The following ATP13A2 variants were observed in gnomAD, a reference collection of about 807,000 sequenced individuals.
The protein encoded by ATP13A2 is polyamine-transporting ATPase 13A2.
ATP13A2 carries 83 observed loss-of-function variants against 138.3 expected under a neutral mutation model. That is an observed-to-expected ratio of 0.60 (90% CI 0.50 to 0.72). The LOEUF is 0.72. Ranked by LOEUF, ATP13A2 falls within the 30% of genes least tolerant of loss-of-function variation. The pLI is 0.00. For missense variants in ATP13A2, 1,402 were observed against 1,606.4 expected (o/e 0.87, Z 2.17); for synonymous variants, 663 against 699.0 (o/e 0.95, Z 0.81).
rs144557304 is a variant in ATP13A2, at chr1:16,988,138, C to A, written c.2859G>T (p.Thr953=). The A allele has an allele frequency of 2.5e-6, 4 of 1,613,190 alleles. No homozygotes were observed. The Admixed American group carries it at 5.0e-5, about 20-fold the overall frequency. The change falls in exon 25 of 29, where the codon ACG becomes ACT. Residue 953 remains threonine (T), a splice_region_variant and synonymous_variant. Coordinates refer to ENST00000326735, the MANE Select transcript of ATP13A2 (RefSeq NM_022089.4). ...TQFISVLILY[T]INTNLGDLQF... Reference sequence around the variant, plus strand: ...GGTACGGAGCTCTGCAGATACTCACCGTGTAGAGGATCAGGACGGAGATGA... The same window carrying A: ...GGTACGGAGCTCTGCAGATACTCACAGTGTAGAGGATCAGGACGGAGATGA...
rs758150853 is a variant in ATP13A2 at position 17,002,326 on chromosome 1, TG to T, written c.604del (p.His202MetfsTer10). ...CATTTGGTCCTGGAGGCTGAGGCCATGGCGGGAGCGGTGGACGTCGTCACAA... is the reference window on the plus strand; with the variant it reads ...CATTTGGTCCTGGAGGCTGAGGCCATGCGGGAGCGGTGGACGTCGTCACAA... The part of the protein sequence containing the change: ...RSCDDVHRSR[H>X]GLSLQDQMVR... On this transcript the variant is annotated frameshift_variant, in exon 7 of 29. Transcript: ENST00000326735. LOFTEE classifies it high-confidence loss of function. 4.3e-6 allele frequency: 7 copies of T among 1,613,436 alleles called. No individual in the cohort carries two copies. The African/African-American group carries it at 9.3e-5, about 22-fold the overall frequency.
At chr1:17,005,626 G>A in intron 2 of ATP13A2, 58 bp downstream of exon 2, 1 of 1,613,066 alleles carries the variant, frequency 6.2e-7, no homozygotes, top group Non-Finnish European at 8.5e-7. Flanking sequence ...TGGGGTGTCT[G>A]GGTGGGCCTG....
chr1:16,987,328 T>C, intron 25 of ATP13A2, 59 bp from the exon 26 acceptor site: 1 of 1,535,530 alleles, frequency 6.5e-7, no homozygotes, highest in Non-Finnish European at 8.9e-7. Flanking sequence ...CAGCCCCTAG[T>C]CTGATAGCAG....
chr1:16,995,103 C>T lies in ATP13A2; in HGVS notation c.1542+873G>A, dbSNP rs776391921. 4.6e-5 allele frequency among the ~76,000 whole-genome samples: 7 copies of T among 152,206 alleles called. No individual in the cohort carries two copies. Among genetic ancestry groups the T allele is most frequent in the Non-Finnish European group, 8.8e-5 (6 of 68,040 alleles). ...AGGTACGCAGCACATCTGTGCCACG[C>T]CACTCCCTGTGCCCCAGGCACACGG... is the stretch of plus-strand genomic sequence containing the variant. On this transcript the variant is annotated intron_variant, in intron 15 of 28. Coordinates refer to ENST00000326735, the MANE Select transcript of ATP13A2 (RefSeq NM_022089.4). This position sits in a 1 kb window ranked among gnomAD's most constrained non-coding sequence, Gnocchi z 4.1.
Position 17,004,325 on chromosome 1 carries a change from C to T in ATP13A2, c.557+7G>A, listed in dbSNP as rs756936273. 1.2e-6 allele frequency: 2 copies of T among 1,613,506 alleles called. No homozygotes were observed. Among genetic ancestry groups the T allele is most frequent in the East Asian group, 2.2e-5 (1 of 44,844 alleles). On this transcript the variant is annotated splice_region_variant and intron_variant, in intron 6 of 28. Coordinates refer to ENST00000326735, the MANE Select transcript of ATP13A2 (RefSeq NM_022089.4). The surrounding 1 kb of genome is among the most constrained non-coding windows in gnomAD (Gnocchi z 4.1). Reference sequence around the variant, plus strand: ...GTGACATGAGCCACACAGGCCCTGACTCCTACCTGACCTGGTAGAAGGCTT... The same window carrying T: ...GTGACATGAGCCACACAGGCCCTGATTCCTACCTGACCTGGTAGAAGGCTT...
At chr1:17,000,756 A>C (rs972499883) in intron 8 of ATP13A2, 1 of 591,246 alleles carries the variant, frequency 1.7e-6, no homozygotes, top group African/African-American at 1.9e-5. Context: ...AGCCTGGGCA[A>C]CATGGCGAAA....
Position 17,004,698 on chromosome 1 carries a change from G to A in ATP13A2, c.471C>T (p.Val157=), listed in dbSNP as rs762608323. ...GGACTTTTTCAGAACCCACCTGTCCGACACTCACCGCCTCCTCGCTCTTGT... is the reference window on the plus strand; with the variant it reads ...GGACTTTTTCAGAACCCACCTGTCCAACACTCACCGCCTCCTCGCTCTTGT... ...QLHKSEEAVS[V]GQKRVLRYYL... Residue 157 remains valine (V), a synonymous_variant, in exon 5 of 29, where the codon GTC becomes GTT. Transcript: ENST00000326735. This position sits in a 1 kb window ranked among gnomAD's most constrained non-coding sequence, Gnocchi z 4.1. 33 of 1,613,950 alleles carry A rather than the reference G, an allele frequency of 2.0e-5. No homozygotes were observed. Among genetic ancestry groups the A allele is most frequent in the Non-Finnish European group, 2.4e-5 (28 of 1,180,038 alleles).
At position 17,004,490 on chromosome 1, in the gene ATP13A2, G is replaced by T; in HGVS notation, c.478-79C>A. ...AGTGTGCTTATGCTGGGAGCCGAGG[G>T]ATGGGGGTAGGGGGCAGGGACTGGT... On this transcript the variant is annotated intron_variant, in intron 5 of 28. Transcript: ENST00000326735. The surrounding 1 kb of genome is among the most constrained non-coding windows in gnomAD (Gnocchi z 4.1). 1 of 1,568,982 alleles carries T rather than the reference G, an allele frequency of 6.4e-7. No homozygotes were observed. The highest frequency in any genetic ancestry group is 1.1e-5 in the South Asian group (1 of 88,370).
chr1:17,002,390 G>C lies in ATP13A2; in HGVS notation c.558-17C>G. On this transcript the variant is annotated splice_polypyrimidine_tract_variant and intron_variant, in intron 6 of 28. Coordinates refer to ENST00000326735, the MANE Select transcript of ATP13A2 (RefSeq NM_022089.4). ...TCCAGGAGGCTGGGGGTGGGTGCGA[G>C]GGGACACGCATGGGCCATGGGGCCT... 6.2e-7 allele frequency: 1 copy of C among 1,611,038 alleles called. No homozygotes were observed. Among genetic ancestry groups the C allele is most frequent in the Non-Finnish European group, 8.5e-7 (1 of 1,179,170 alleles).
At chr1:17,010,893 G>A (rs368362331) in intron 1 of ATP13A2, among the ~76,000 whole-genome samples, 2 of 152,130 alleles carry the variant, frequency 1.3e-5, no homozygotes, top group African/African-American at 4.8e-5. Context: ...GGTTCCCGGC[G>A]GCGGGGAGCT....
intron 23 of ATP13A2, among the ~76,000 whole-genome samples, chr1:16,988,781 C>T (rs1049721779): frequency 6.6e-6 from 1 of 151,974 alleles, no homozygotes; most frequent in African/African-American, 2.4e-5. Context: ...TACAGACGCC[C>T]GCCACCACGC....
At chr1:17,010,057 T>G (rs997455120) in intron 1 of ATP13A2, among the ~76,000 whole-genome samples, 1 of 152,022 alleles carries the variant, frequency 6.6e-6, no homozygotes, top group Non-Finnish European at 1.5e-5. Context: ...CATGATGGCA[T>G]TGCTCTTTTT....
intron 12 of ATP13A2, 148 bp downstream of exon 12, chr1:16,996,872 G>T: frequency 1.0e-6 from 1 of 965,256 alleles, no homozygotes; most frequent in Non-Finnish European, 1.5e-6. Flanking sequence ...GACCCCAGAT[G>T]GGGGGCAACT....
At position 17,000,314 on chromosome 1, in the gene ATP13A2, T is replaced by C; in HGVS notation, c.841-2A>G. 6.3e-7 allele frequency: 1 copy of C among 1,582,724 alleles called. No homozygotes were observed. The highest frequency in any genetic ancestry group is 8.6e-7 in the Non-Finnish European group (1 of 1,164,178). On this transcript the variant is annotated splice_acceptor_variant, in intron 9 of 28. Transcript: ENST00000326735. LOFTEE classifies it high-confidence loss of function. ...CATGTCCCTTAGAGTCTGGCTTTGC[T>C]GTGGGCAGGGGACAAGAGGGCCGTG...
Position 17,004,944 on chromosome 1 carries a change from C to G in ATP13A2, c.347+70G>C. ...CCAGAGTCAGCCTTTATGGGGGGGC[C>G]GAGGGTTGGGGAAGTTGGGGAGGCC... On this transcript the variant is annotated intron_variant, in intron 4 of 28. Coordinates refer to ENST00000326735, the MANE Select transcript of ATP13A2 (RefSeq NM_022089.4). This position sits in a 1 kb window ranked among gnomAD's most constrained non-coding sequence, Gnocchi z 4.1. 1.2e-6 allele frequency: 2 copies of G among 1,611,448 alleles called. No homozygotes were observed. Among genetic ancestry groups the G allele is most frequent in the African/African-American group, 1.3e-5 (1 of 74,924 alleles).
At position 16,986,963 on chromosome 1, in the gene ATP13A2, G is replaced by A; in HGVS notation, c.3084-7C>T. 1 of 1,613,248 alleles carries A rather than the reference G, an allele frequency of 6.2e-7. No homozygotes were observed. The highest frequency in any genetic ancestry group is 8.5e-7 in the Non-Finnish European group (1 of 1,179,628). ...CCTGTTCAGAGGCACGAACCTGGGG[G>A]TACAGGGATGGGGGTCAGGGAACGA... On this transcript the variant is annotated splice_polypyrimidine_tract_variant and splice_region_variant and intron_variant, in intron 26 of 28. Coordinates refer to ENST00000326735, the MANE Select transcript of ATP13A2 (RefSeq NM_022089.4). The surrounding 1 kb of genome is among the most constrained non-coding windows in gnomAD (Gnocchi z 6.9).
chr1:16,998,935 C>T (rs1049009299), intron 11 of ATP13A2, among the ~76,000 whole-genome samples: 4 of 152,168 alleles, frequency 2.6e-5, no homozygotes, highest in Non-Finnish European at 5.9e-5. Context: ...AGACACCTCA[C>T]ACCCTTCACA....
At position 17,002,035 on chromosome 1, in the gene ATP13A2, T is replaced by C; in HGVS notation, c.704A>G (p.Glu235Gly). ...VKSYPQLLVD[E>G]ALNPYYGFQA... ...GGCAAGACCCAGGGACAGCCCTACC[T>C]CGTCCACCAGCAGCTGGGGGTAGGA... The change falls in exon 8 of 29, where the codon GAG (glutamate) becomes GGG (glycine). Residue 235 changes from glutamate to glycine, a missense_variant and splice_region_variant. Physicochemically the swap from Glu to Gly is moderately conservative, Grantham distance 98. Transcript: ENST00000326735. 6.2e-7 allele frequency: 1 copy of C among 1,611,250 alleles called. No individual in the cohort carries two copies. Among genetic ancestry groups the C allele is most frequent in the Non-Finnish European group, 8.5e-7 (1 of 1,178,512 alleles).
chr1:16,985,988 C>T lies in ATP13A2; in HGVS notation c.*233G>A. The T allele has an allele frequency of 6.9e-7, 1 of 1,447,606 alleles. No individual in the cohort carries two copies. Among genetic ancestry groups the T allele is most frequent in the African/African-American group, 1.4e-5 (1 of 69,644 alleles). The allele number at this position is 1,447,606 out of a possible 1,614,324, so 89.7% of individuals were successfully genotyped here. A position where few individuals can be genotyped will look rare whatever the true frequency, so the allele number is the denominator to read the frequency against. On this transcript the variant is annotated 3_prime_UTR_variant, in exon 29 of 29. Transcript: ENST00000326735. The stretch of plus-strand genomic sequence containing the variant: ...GAAAATATCATGACTTTATTTGCTA[C>T]ACTGACAGCAGCACTGAGGGGAGCT...
Sources: gnomAD v4.1 joint callset for allele counts (sites outside exome capture counted in the v4.1 genomes callset) on GRCh38, gnomAD v4.1.1 for gene constraint, Gnocchi (gnomAD v3.1) non-coding constraint, MANE v1.5 for transcripts, NCBI Gene and HGNC (gene_info 2026-07-23, HGNC 2026-07-21) for gene names.